Variants in TIAM1 observed in about 807,000 individuals in gnomAD.
TIAM1 encodes the protein TIAM Rac1 associated GEF 1.
In TIAM1, 65 loss-of-function variants were observed where a neutral mutation model predicts 163.5. That is an observed-to-expected ratio of 0.40 (90% CI 0.33 to 0.49). The LOEUF (loss-of-function observed/expected upper bound fraction) is 0.49. TIAM1 is among the 20% of genes least tolerant of loss of function. The pLI, the probability that TIAM1 is intolerant of heterozygous loss-of-function variation, is 0.77. For missense variants in TIAM1, 1,789 were observed against 2,044.7 expected, an observed-to-expected ratio of 0.87 and a Z score of 2.41; for synonymous variants, 833 against 810.1, an observed-to-expected ratio of 1.03 and a Z score of -0.48.
chr21:31,183,588 C>T (rs963627518), intron 14 of TIAM1, among the ~76,000 whole-genome samples: 3 of 152,204 alleles, frequency 2.0e-5, no homozygotes, highest in Admixed American at 6.5e-5. Context: ...TCGGGCATCC[C>T]ACTCAGATTC....
chr21:31,393,419 TCAACAC>T (rs2077000896), intron 2 of TIAM1, among the ~76,000 whole-genome samples: 2 of 152,128 alleles, frequency 1.3e-5, no homozygotes, highest in South Asian at 4.1e-4. Flanking sequence ...TTCCATGAGC[TCAACAC>T]CACCCTGTCC....
intron 24 of TIAM1, among the ~76,000 whole-genome samples, chr21:31,130,559 A>C (rs1352380052): frequency 6.6e-6 from 1 of 152,174 alleles, no homozygotes; most frequent in Non-Finnish European, 1.5e-5. Context: ...CACAGAGAAG[A>C]GGAGAAAAAG....
chr21:31,122,533 A>G (rs2146201338), intron 27 of TIAM1, among the ~76,000 whole-genome samples: 1 of 152,374 alleles, frequency 6.6e-6, no homozygotes, highest in Non-Finnish European at 1.5e-5. Context: ...CAGATGAGTG[A>G]TAATGAGAAT....
intron 1 of TIAM1, among the ~76,000 whole-genome samples, chr21:31,473,673 G>A (rs2045837236): frequency 6.6e-6 from 1 of 151,936 alleles, no homozygotes; most frequent in African/African-American, 2.4e-5. Context: ...CGGAAGTGGA[G>A]AGAAAAAGTA....
chr21:31,497,605 T>G (rs1274958308), intron 1 of TIAM1, among the ~76,000 whole-genome samples: 1 of 152,250 alleles, frequency 6.6e-6, no homozygotes, highest in Non-Finnish European at 1.5e-5. Context: ...TACTTTTATA[T>G]ATTTTGAATT....
intron 1 of TIAM1, among the ~76,000 whole-genome samples, chr21:31,490,167 T>C (rs1379999209): frequency 6.6e-6 from 1 of 151,574 alleles, no homozygotes; most frequent in Non-Finnish European, 1.5e-5. Context: ...ATTATTCTTG[T>C]TAACTCAGAG....
intron 7 of TIAM1, among the ~76,000 whole-genome samples, chr21:31,225,424 T>C (rs928350117): frequency 5.9e-5 from 9 of 152,082 alleles, no homozygotes; most frequent in African/African-American, 2.2e-4. Context: ...GGAAATGAAA[T>C]TGCAAACTTT....
intron 2 of TIAM1, among the ~76,000 whole-genome samples, chr21:31,458,245 T>C (rs1208026041): frequency 6.6e-6 from 1 of 151,830 alleles, no homozygotes; most frequent in Non-Finnish European, 1.5e-5. Context: ...CATAGTGAAA[T>C]CCGTCCCTAC....
At position 31,120,864 on chromosome 21, in the gene TIAM1, A is replaced by C; in HGVS notation, c.4307-27T>G. The C allele has an allele frequency of 6.4e-7, 1 of 1,556,984 alleles. No individual in the cohort carries two copies. Among genetic ancestry groups the C allele is most frequent in the Non-Finnish European group, 8.7e-7 (1 of 1,153,928 alleles). On this transcript the variant is annotated intron_variant, in intron 27 of 27. Transcript: ENST00000541036. This position sits in a 1 kb window ranked among gnomAD's most constrained non-coding sequence, Gnocchi z 4.2. ...TGCACACACACACAAAAATATAAAA[A>C]TAAAACCCCCACATGCTTTACGTGA...
intron 2 of TIAM1, among the ~76,000 whole-genome samples, chr21:31,313,877 C>T (rs992143154): frequency 6.6e-6 from 1 of 152,154 alleles, no homozygotes; most frequent in Admixed American, 6.5e-5. Context: ...GTGCTCAGCA[C>T]ACTTTTTTAA....
chr21:31,228,220 T>TAAAAAAAAAAAAAAAAAA (rs71191197), intron 6 of TIAM1, among the ~76,000 whole-genome samples: 1 of 16,264 alleles, frequency 6.1e-5, no homozygotes, highest in Non-Finnish European at 1.3e-4. Context: ...CTCCTTTTTT[T>TAAAAAAAAAAAAAAAAAA]AAAAAAAAAA....
intron 1 of TIAM1, among the ~76,000 whole-genome samples, chr21:31,494,147 C>A (rs895208455): frequency 2.6e-5 from 4 of 152,184 alleles, no homozygotes; most frequent in Non-Finnish European, 4.4e-5. Flanking sequence ...CTCCTGATCT[C>A]AAGTGATCCA....
intron 1 of TIAM1, among the ~76,000 whole-genome samples, chr21:31,556,667 G>C (rs1165679713): frequency 6.6e-6 from 1 of 152,074 alleles, no homozygotes; most frequent in East Asian, 1.9e-4. Context: ...AAGTAGCAGT[G>C]CAGAGCTAGT....
At chr21:31,387,491 G>A (rs897785319) in intron 2 of TIAM1, among the ~76,000 whole-genome samples, 4 of 151,774 alleles carry the variant, frequency 2.6e-5, no homozygotes, top group African/African-American at 9.7e-5. Flanking sequence ...GGGATTACAG[G>A]CATGAGCCAC....
intron 22 of TIAM1, among the ~76,000 whole-genome samples, chr21:31,137,418 C>G (rs1412673670): frequency 2.0e-5 from 3 of 152,104 alleles, no homozygotes; most frequent in African/African-American, 7.2e-5. Context: ...TATTAAGTAA[C>G]TCATCAACCA....
At chr21:31,189,758 C>G (rs1166790730) in intron 13 of TIAM1, among the ~76,000 whole-genome samples, 6 of 152,164 alleles carry the variant, frequency 3.9e-5, no homozygotes, top group South Asian at 4.2e-4. Flanking sequence ...GATGCCAATA[C>G]TTTGCACACT....
intron 1 of TIAM1, among the ~76,000 whole-genome samples, chr21:31,483,585 A>C (rs571554032): frequency 1.3e-5 from 2 of 152,146 alleles, no homozygotes; most frequent in South Asian, 2.1e-4. Flanking sequence ...CAAGGGGCCA[A>C]GATTGGTTTT....
chr21:31,197,647 G>A (rs1003387122), intron 12 of TIAM1, among the ~76,000 whole-genome samples: 2 of 151,756 alleles, frequency 1.3e-5, no homozygotes, highest in African/African-American at 4.9e-5. Flanking sequence ...GGGATTACAG[G>A]CGTGAGCCAC....
Position 31,120,983 on chromosome 21 carries a change from T to C in TIAM1, c.4307-146A>G. On this transcript the variant is annotated intron_variant, in intron 27 of 27. Coordinates refer to ENST00000541036, the MANE Select transcript of TIAM1 (RefSeq NM_001353694.2). This position sits in a 1 kb window ranked among gnomAD's most constrained non-coding sequence, Gnocchi z 4.2. ...TGTCTTTTGGGGCTTAAAGTCTACA[T>C]ATCACCAATCTGTCATGGAGCATTT... is the stretch of plus-strand genomic sequence containing the variant. 1.4e-6 allele frequency: 1 copy of C among 737,252 alleles called. No individual in the cohort carries two copies. The highest frequency in any genetic ancestry group is 1.9e-5 in the South Asian group (1 of 52,184). The allele number at this position is 737,252 out of a possible 1,614,324, so 45.7% of individuals were successfully genotyped here.
Sources: allele counts gnomAD v4.1 joint callset (sites outside exome capture counted in the v4.1 genomes callset), GRCh38; gene constraint gnomAD v4.1.1; non-coding constraint Gnocchi (gnomAD v3.1); transcripts MANE v1.5; gene names NCBI Gene and HGNC (gene_info 2026-07-23, HGNC 2026-07-21).